The following TBR1 variants were observed in gnomAD, a reference collection of about 807,000 sequenced individuals.
TBR1 encodes the protein T-box brain protein 1.
Under a neutral mutation model 60.3 loss-of-function variants are expected in TBR1, and 7 were observed. The ratio of observed to expected loss-of-function variants is 0.12; its 90% CI spans 0.07 to 0.22. The LOEUF is 0.22. Among genes scored for constraint, TBR1 ranks in the 10% least tolerant of loss-of-function variants. The pLI is 1.00. For synonymous variants in TBR1, 417 were observed against 409.9 expected, an observed-to-expected ratio of 1.02 and a Z score of -0.21; for missense variants, 616 against 936.8, an observed-to-expected ratio of 0.66 and a Z score of 4.47.
chr2:161,416,627 G>A lies in TBR1; in HGVS notation c.217G>A (p.Asp73Asn). The A allele has an allele frequency of 6.2e-7, 1 of 1,614,138 alleles. No individual in the cohort carries two copies. Among genetic ancestry groups the A allele is most frequent in the Non-Finnish European group, 8.5e-7 (1 of 1,180,036 alleles). Residue 73 changes from aspartate (D) to asparagine (N), a missense_variant, in exon 1 of 6, where the codon GAC becomes AAC. Around this residue, in one of 8 missense-constraint regions of TBR1, gnomAD observed 211 missense variants for 268.7 expected, o/e 0.79. Coordinates refer to ENST00000389554, the MANE Select transcript of TBR1 (RefSeq NM_006593.4). The surrounding 1 kb of genome is among the most constrained non-coding windows in gnomAD (Gnocchi z 6.1). ...TACAGACAATTTTCCTGACTCCAAG[G>A]ACTCACCAGGGGACGTCCAGAGAAG... is the stretch of plus-strand genomic sequence containing the variant. ...SDTDNFPDSK[D>N]SPGDVQRSKL...
chr2:161,420,110 C>G (rs1684203225), intron 4 of TBR1, 86 bp from the exon 5 acceptor site: 1 of 1,185,390 alleles, frequency 8.4e-7, no homozygotes, highest in South Asian at 1.4e-5. Flanking sequence ...CCTTAAGCCC[C>G]TGTAAAAGTG....
At position 161,417,768 on chromosome 2, in the gene TBR1, A is replaced by G; in HGVS notation, c.785A>G (p.Asn262Ser). 6.2e-7 allele frequency: 1 copy of G among 1,614,170 alleles called. No individual in the cohort carries two copies. Among genetic ancestry groups the G allele is most frequent in the Non-Finnish European group, 8.5e-7 (1 of 1,180,022 alleles). Reference protein sequence around the residue: ...IFVDVILADPNHWRFQGGKWV... With the variant: ...IFVDVILADPSHWRFQGGKWV... ...GTGGATGTGATTTTGGCGGATCCCA[A>G]TCACTGGAGGTTTCAAGGAGGCAAA... Residue 262 changes from asparagine to serine, a missense_variant, in exon 2 of 6, where the codon AAT becomes AGT. This residue lies in a region of TBR1 where 85 missense variants were observed against 164.9 expected (regional missense o/e 0.52). Coordinates refer to ENST00000389554, the MANE Select transcript of TBR1 (RefSeq NM_006593.4). The surrounding 1 kb of genome is among the most constrained non-coding windows in gnomAD (Gnocchi z 5.3).
intron 3 of TBR1, 81 bp from the exon 4 acceptor site, chr2:161,418,811 C>A: frequency 6.6e-7 from 1 of 1,512,280 alleles, no homozygotes; most frequent in Non-Finnish European, 8.8e-7. Flanking sequence ...GGCCCGGGCG[C>A]GCAGCCGGGC....
Position 161,418,962 on chromosome 2 carries a change from C to A in TBR1, c.1040C>A (p.Thr347Lys). 1 of 1,614,244 alleles carries A rather than the reference C, an allele frequency of 6.2e-7. No individual in the cohort carries two copies. The highest frequency in any genetic ancestry group is 8.5e-7 in the Non-Finnish European group (1 of 1,180,040). The change falls in exon 4 of 6, where the codon ACG (threonine) becomes AAG (lysine). Residue 347 changes from threonine to lysine, a missense_variant. By Grantham distance (78) the Thr-to-Lys change is moderately conservative (BLOSUM62 -1). Around this residue, in one of 8 missense-constraint regions of TBR1, gnomAD observed 85 missense variants for 164.9 expected, o/e 0.52. Transcript: ENST00000389554. ...GTGGTGGAAGTGAACGAGGACGGCA[C>A]GGAGGACACTAGCCAGCCCGGCCGC... The part of the protein sequence containing the change: ...LHVVEVNEDG[T>K]EDTSQPGRVQ...
In TBR1 at chr2:161,417,395, G is replaced by C. The variant is rs1684141329; in HGVS notation, c.693-281G>C. ...GCGATGGGAGGGACGCATCAACACT[G>C]GCATGCACGGACAGGTGGAGACGCA... On this transcript the variant is annotated intron_variant, in intron 1 of 5. Coordinates refer to ENST00000389554, the MANE Select transcript of TBR1 (RefSeq NM_006593.4). The surrounding 1 kb of genome is among the most constrained non-coding windows in gnomAD (Gnocchi z 5.3). The C allele has an allele frequency of 5.3e-6, 3 of 565,376 alleles. No homozygotes were observed. The South Asian group carries it at 6.6e-5, about 12-fold the overall frequency. The allele number at this position is 565,376 out of a possible 1,614,324, so 35.0% of individuals were successfully genotyped here.
At chr2:161,418,094 G>GTA in intron 2 of TBR1, 107 bp from the exon 3 acceptor site, 1 of 1,436,006 alleles carries the variant, frequency 7.0e-7, no homozygotes, top group South Asian at 1.6e-5. Context: ...TAAGGTGTGT[G>GTA]TATGTGTGTG....
chr2:161,417,901 G>C lies in TBR1; in HGVS notation c.847+71G>C. ...AGAATGATTAATTAAAGCCTTTGTG[G>C]ACTGGCTCGAGCGACTTTTAAAACG... On this transcript the variant is annotated intron_variant, in intron 2 of 5. Coordinates refer to ENST00000389554, the MANE Select transcript of TBR1 (RefSeq NM_006593.4). The surrounding 1 kb of genome is among the most constrained non-coding windows in gnomAD (Gnocchi z 5.3). 1 of 1,549,488 alleles carries C rather than the reference G, an allele frequency of 6.5e-7. No homozygotes were observed.
rs1254285779 is a variant in TBR1, at chr2:161,423,496, T to C, written c.1318T>C (p.Tyr440His). ...SFLQDQFVSN[Y>H]AKARFHPGAG... ...CCTGCAGGACCAGTTCGTGAGCAACTACGCCAAGGCCCGCTTCCACCCGGG... is the reference window on the plus strand; with the variant it reads ...CCTGCAGGACCAGTTCGTGAGCAACCACGCCAAGGCCCGCTTCCACCCGGG... Residue 440 changes from tyrosine to histidine, a missense_variant, in exon 6 of 6, where the codon TAC (tyrosine) becomes CAC (histidine). By Grantham distance (83) the Tyr-to-His change is moderately conservative. This residue lies in a region of TBR1 where 80 missense variants were observed against 75.3 expected (regional missense o/e 1.06). Transcript: ENST00000389554. 1.2e-6 allele frequency: 2 copies of C among 1,602,974 alleles called. No homozygotes were observed. The highest frequency in any genetic ancestry group is 1.1e-5 in the South Asian group (1 of 89,564).
At position 161,423,720 on chromosome 2, in the gene TBR1, C is replaced by G. The variant is rs746778777; in HGVS notation, c.1542C>G (p.Leu514=). The change falls in exon 6 of 6, where the codon CTC becomes CTG. Residue 514 remains leucine (L), a synonymous_variant. Transcript: ENST00000389554. ...TCGCGGGCAACGCGGCCACGCTGCT[C>G]TCTTACGCGGCGGCGGGCGTGAAGG... ...TDFAGNAATL[L]SYAAAGVKAL... is the part of the protein sequence containing the mutation. The G allele has an allele frequency of 3.9e-6, 6 of 1,526,788 alleles. No homozygotes were observed. The highest frequency in any genetic ancestry group is 2.2e-4 in the Middle Eastern group (1 of 4,566). The allele number at this position is 1,526,788 out of a possible 1,614,324, so 94.6% of individuals were successfully genotyped here.
rs1684166450 is a variant in TBR1, at chr2:161,418,256, C to T, written c.903C>T (p.Arg301=). ...DSPNTGAHWM[R]QEISFGKLKL... ...CCAACACTGGGGCTCACTGGATGCG[C>T]CAAGAAATCTCTTTTGGAAAATTAA... is the stretch of plus-strand genomic sequence containing the variant. Residue 301 remains arginine (R), a synonymous_variant, in exon 3 of 6, where the codon CGC becomes CGT. Coordinates refer to ENST00000389554, the MANE Select transcript of TBR1 (RefSeq NM_006593.4). 1.2e-6 allele frequency: 2 copies of T among 1,613,848 alleles called. No homozygotes were observed. Among genetic ancestry groups the T allele is most frequent in the African/African-American group, 2.7e-5 (2 of 74,856 alleles).
intron 3 of TBR1, 120 bp downstream of exon 3, chr2:161,418,442 A>C: frequency 7.3e-7 from 1 of 1,368,976 alleles, no homozygotes; most frequent in Admixed American, 2.7e-5. Flanking sequence ...CATTAAAAAG[A>C]CTTAAAAATT....
rs759895872 is a variant in TBR1 at position 161,423,531 on chromosome 2, G to A, written c.1353G>A (p.Ala451=). 197 of 1,578,152 alleles carry A rather than the reference G, an allele frequency of 1.2e-4. No individual in the cohort carries two copies. Among genetic ancestry groups the A allele is most frequent in the Middle Eastern group, 8.4e-4 (5 of 5,974 alleles). Residue 451 remains alanine, a synonymous_variant, in exon 6 of 6, where the codon GCG becomes GCA. Coordinates refer to ENST00000389554, the MANE Select transcript of TBR1 (RefSeq NM_006593.4). ...AKARFHPGAG[A]GPGPGTDRSV... is the part of the protein sequence containing the mutation. ...CCCGCTTCCACCCGGGCGCGGGCGC[G>A]GGCCCCGGGCCGGGTACGGACCGCA...
Position 161,416,971 on chromosome 2 carries a change from T to C in TBR1, c.561T>C (p.Ala187=). 1 of 1,614,104 alleles carries C rather than the reference T, an allele frequency of 6.2e-7. No homozygotes were observed. The highest frequency in any genetic ancestry group is 8.5e-7 in the Non-Finnish European group (1 of 1,180,032). The change falls in exon 1 of 6, where the codon GCT becomes GCC. Residue 187 remains alanine, a synonymous_variant. Coordinates refer to ENST00000389554, the MANE Select transcript of TBR1 (RefSeq NM_006593.4). The surrounding 1 kb of genome is among the most constrained non-coding windows in gnomAD (Gnocchi z 6.1). ...AGTACGGCCACTCCTACCAAGGAGC[T>C]CCGTTCTACCAGTTCTCCTCCACCC... ...PQQYGHSYQG[A]PFYQFSSTQP...
intron 4 of TBR1, chr2:161,419,395 G>A: frequency 5.5e-6 from 1 of 182,844 alleles, no homozygotes; most frequent in Non-Finnish European, 1.1e-5. Flanking sequence ...CTTTCCTTTA[G>A]AAAACAAGCA....
At chr2:161,423,266 G>A (rs968062289) in intron 5 of TBR1, 103 bp from the exon 6 acceptor site, 13 of 858,672 alleles carry the variant, frequency 1.5e-5, no homozygotes, top group Non-Finnish European at 2.2e-5. Context: ...GGGTGTGGGG[G>A]TGGGCGAAAA....
At chr2:161,419,265 T>C in intron 4 of TBR1, 1 of 621,930 alleles carries the variant, frequency 1.6e-6, no homozygotes. Context: ...TTTGTTTTCG[T>C]CGCTGGTCAC....
At chr2:161,420,702 A>T (rs1684218436) in intron 5 of TBR1, 1 of 153,602 alleles carries the variant, frequency 6.5e-6, no homozygotes, top group Non-Finnish European at 1.4e-5. Flanking sequence ...CTCCTCTGGC[A>T]GTTGTTAACA....
chr2:161,423,702 C>T lies in TBR1; in HGVS notation c.1524C>T (p.Gly508=). ...SAYDTATDFA[G]NAATLLSYAA... ...ATGACACGGCCACGGACTTCGCGGG[C>T]AACGCGGCCACGCTGCTCTCTTACG... is the stretch of plus-strand genomic sequence containing the variant. Residue 508 remains glycine (G), a synonymous_variant, in exon 6 of 6, where the codon GGC becomes GGT. Transcript: ENST00000389554. The T allele has an allele frequency of 6.5e-7, 1 of 1,536,382 alleles. No homozygotes were observed. Among genetic ancestry groups the T allele is most frequent in the Non-Finnish European group, 8.7e-7 (1 of 1,150,920 alleles).
At chr2:161,419,446 T>TAA (rs3835936) in intron 4 of TBR1, 4 of 174,376 alleles carry the variant, frequency 2.3e-5, no homozygotes, top group East Asian at 1.9e-4. Flanking sequence ...CTTTGGCATC[T>TAA]AAAAAAAAAT....
Sources: gnomAD v4.1 joint callset for allele counts on GRCh38, gnomAD v4.1.1 for gene constraint, gnomAD v4.1.1 regional missense constraint, Gnocchi (gnomAD v3.1) non-coding constraint, MANE v1.5 for transcripts, NCBI Gene and HGNC (gene_info 2026-07-23, HGNC 2026-07-21) for gene names.